Variants in RTKN observed in about 807,000 individuals in gnomAD.
The protein encoded by RTKN is rhotekin.
Under a neutral mutation model 63.5 loss-of-function variants are expected in RTKN, and 49 were observed. The ratio of observed to expected loss-of-function variants is 0.77; its 90% CI spans 0.61 to 0.98. RTKN has a LOEUF of 0.98. Ranked by LOEUF, RTKN falls within the 50% of genes least tolerant of loss-of-function variation. The pLI, the probability that RTKN is intolerant of heterozygous loss-of-function variation, is 0.00. For synonymous variants in RTKN, 295 were observed against 290.4 expected, an observed-to-expected ratio of 1.02 and a Z score of -0.16; for missense variants, 685 against 740.8, an observed-to-expected ratio of 0.92 and a Z score of 0.87.
intron 1 of RTKN, among the ~76,000 whole-genome samples, chr2:74,438,615 C>A (rs1284950974): frequency 1.3e-5 from 2 of 152,246 alleles, no homozygotes; most frequent in Non-Finnish European, 2.9e-5. Context: ...TGATCTGGCC[C>A]CTGCCCATCA....
rs367650531 is a variant in RTKN, at chr2:74,427,529, T to C, written c.1150A>G (p.Ser384Gly). Residue 384 changes from serine (S) to glycine (G), a missense_variant, in exon 10 of 12, where the codon AGT becomes GGT. Ser to Gly is a moderately conservative substitution (Grantham distance 56). Coordinates refer to ENST00000272430, the MANE Select transcript of RTKN (RefSeq NM_001015055.2). ...ALGRPFTLSI[S>G]NQYGDDEVTH... ...ACCTCATCATCCCCATACTGGTTACTGATGCTTAGGGTGAAGGGCCGTCCT... is the reference window on the plus strand; with the variant it reads ...ACCTCATCATCCCCATACTGGTTACCGATGCTTAGGGTGAAGGGCCGTCCT... 9 of 1,614,028 alleles carry C rather than the reference T, an allele frequency of 5.6e-6. No individual in the cohort carries two copies. Among genetic ancestry groups the C allele is most frequent in the Non-Finnish European group, 7.6e-6 (9 of 1,180,054 alleles).
At chr2:74,431,203 G>A (rs929108643) in intron 2 of RTKN, among the ~76,000 whole-genome samples, 6 of 151,958 alleles carry the variant, frequency 3.9e-5, no homozygotes, top group African/African-American at 7.3e-5. Context: ...GAAGAGTTAC[G>A]TTCCATTCAC....
chr2:74,428,532 C>T, intron 8 of RTKN, 99 bp downstream of exon 8: 1 of 1,549,912 alleles, frequency 6.5e-7, no homozygotes, highest in Non-Finnish European at 8.8e-7. Context: ...CCCATTTCTT[C>T]CACCCAAATC....
At chr2:74,428,494 G>T (rs1327995699) in intron 8 of RTKN, 98 bp from the exon 9 acceptor site, 8 of 1,596,728 alleles carry the variant, frequency 5.0e-6, no homozygotes, top group Non-Finnish European at 6.9e-6. Flanking sequence ...CCACCCTGCT[G>T]TCCATTCCTC....
intron 1 of RTKN, 21 bp downstream of exon 1, chr2:74,441,685 G>C (rs1444437710): frequency 1.3e-6 from 2 of 1,578,236 alleles, no homozygotes; most frequent in Non-Finnish European, 1.7e-6. Flanking sequence ...GAAGGGGAAG[G>C]CAGGGACGCG....
Position 74,441,872 on chromosome 2 carries a change from G to GCCT in RTKN, c.-59_-57dup, listed in dbSNP as rs1488281552. The stretch of plus-strand genomic sequence containing the variant: ...TGCGCTCCCCGCGCCGCCCGGCTTA[G>GCCT]CCTCCTCTCCTCGGCTTCTGTCTCT... On this transcript the variant is annotated 5_prime_UTR_variant, in exon 1 of 12. Coordinates refer to ENST00000272430, the MANE Select transcript of RTKN (RefSeq NM_001015055.2). 3.7e-6 allele frequency: 4 copies of GCCT among 1,089,180 alleles called. No individual in the cohort carries two copies. In the East Asian group the frequency reaches 7.4e-5, roughly 20 times the overall value. The allele number at this position is 1,089,180 out of a possible 1,614,324, so 67.5% of individuals were successfully genotyped here.
intron 1 of RTKN, chr2:74,439,616 C>T (rs112456374): frequency 1.2e-6 from 2 of 1,614,058 alleles, no homozygotes; most frequent in Non-Finnish European, 1.7e-6. Context: ...TGCAATCTGT[C>T]CTGCATCTCT....
intron 5 of RTKN, 70 bp downstream of exon 5, chr2:74,430,182 C>A (rs1670666534): frequency 1.6e-5 from 25 of 1,544,822 alleles, no homozygotes; most frequent in African/African-American, 2.7e-5. Context: ...CAGCTTCCTC[C>A]CCTGGAACTC....
Position 74,430,424 on chromosome 2 carries a change from G to T in RTKN, c.427+41C>A, listed in dbSNP as rs140562070. 408 of 1,613,176 alleles carry T rather than the reference G, an allele frequency of 2.5e-4. 2 individuals carry two copies. The African/African-American group carries it at 4.8e-3, about 19-fold the overall frequency. Reference sequence around the variant, plus strand: ...GTCCCACGAGAGCCTCCTACTTCAGGGTCATTCCCCTGAATTTGTCCCAGG... The same window carrying T: ...GTCCCACGAGAGCCTCCTACTTCAGTGTCATTCCCCTGAATTTGTCCCAGG... On this transcript the variant is annotated intron_variant, in intron 4 of 11. Transcript: ENST00000272430.
chr2:74,432,896 G>A (rs892383975), intron 1 of RTKN, among the ~76,000 whole-genome samples: 32 of 152,244 alleles, frequency 2.1e-4, no homozygotes, highest in African/African-American at 7.7e-4. Flanking sequence ...AGGATCCCTT[G>A]AGCCTAGGAG....
Position 74,426,106 on chromosome 2 carries a change from TGCAGCCTACCCCA to T in RTKN, c.*124_*136del. 1 of 815,952 alleles carries T rather than the reference TGCAGCCTACCCCA, an allele frequency of 1.2e-6. No homozygotes were observed. The highest frequency in any genetic ancestry group is 2.2e-5 in the Admixed American group (1 of 44,542). 50.5% of individuals were successfully genotyped at this position (815,952 alleles called of 1,614,324 possible). A position where few individuals can be genotyped will look rare whatever the true frequency, so the allele number is the denominator to read the frequency against. On this transcript the variant is annotated 3_prime_UTR_variant, in exon 12 of 12. Coordinates refer to ENST00000272430, the MANE Select transcript of RTKN (RefSeq NM_001015055.2). ...TTTAAGAGGGGCTTCTGCCCACCCC[TGCAGCCTACCCCA>T]GGTCCAGCAGAGGAACAGGAGGCCA...
chr2:74,429,776 C>G, intron 6 of RTKN, 52 bp downstream of exon 6: 1 of 1,543,008 alleles, frequency 6.5e-7, no homozygotes, highest in East Asian at 2.3e-5. Flanking sequence ...CAAAGGTCAC[C>G]TGTGGGCAGA....
chr2:74,434,034 T>G (rs902081258), intron 1 of RTKN, among the ~76,000 whole-genome samples: 2 of 152,108 alleles, frequency 1.3e-5, no homozygotes, highest in Non-Finnish European at 2.9e-5. Context: ...TACATAGATA[T>G]AGATATGCAT....
intron 1 of RTKN, among the ~76,000 whole-genome samples, chr2:74,441,244 C>T (rs1268994575): frequency 2.6e-5 from 4 of 152,206 alleles, no homozygotes; most frequent in Non-Finnish European, 5.9e-5. Context: ...GCGAGCGGCC[C>T]CGGCCTAAAG....
chr2:74,428,532 C>G (rs1186960696), intron 8 of RTKN, 99 bp downstream of exon 8: 4 of 1,549,794 alleles, frequency 2.6e-6, no homozygotes, highest in African/African-American at 2.7e-5. Context: ...CCCATTTCTT[C>G]CACCCAAATC....
At chr2:74,434,998 C>CA (rs1185184057) in intron 1 of RTKN, among the ~76,000 whole-genome samples, 1 of 152,172 alleles carries the variant, frequency 6.6e-6, no homozygotes, top group Non-Finnish European at 1.5e-5. Flanking sequence ...GGCAAGGGAT[C>CA]AGTGGACAAG....
In RTKN at chr2:74,427,488, C is replaced by T. The variant is rs1670470154; in HGVS notation, c.1191G>A (p.Gln397=). The T allele has an allele frequency of 1.9e-6, 3 of 1,614,204 alleles. No homozygotes were observed. Among genetic ancestry groups the T allele is most frequent in the Non-Finnish European group, 2.5e-6 (3 of 1,180,040 alleles). The stretch of plus-strand genomic sequence containing the variant: ...TCTGCAGTGCTTCCCGACTTTCTGT[C>T]TGAAGGGTGTGTGTCACCTCATCAT... ...YGDDEVTHTL[Q]TESREALQSW... Residue 397 remains glutamine, a synonymous_variant, in exon 10 of 12, where the codon CAG becomes CAA. Transcript: ENST00000272430.
chr2:74,437,858 T>C (rs1023685054), intron 1 of RTKN, among the ~76,000 whole-genome samples: 8 of 152,274 alleles, frequency 5.3e-5, no homozygotes, highest in African/African-American at 1.9e-4. Flanking sequence ...GGCAAACAAA[T>C]TAGATAAACG....
In RTKN at chr2:74,432,592, G is replaced by A; in HGVS notation, c.186C>T (p.Cys62=). Residue 62 remains cysteine, a synonymous_variant, in exon 2 of 12, where the codon TGC becomes TGT. Transcript: ENST00000272430. ...REGACKLLAA[C]SQREQALEAT... ...CCTCCAGAGCCTGCTCTCGCTGGGA[G>A]CAGGCTGCCAGCAGCTTACAGGCCC... The A allele has an allele frequency of 6.2e-7, 1 of 1,614,152 alleles. No homozygotes were observed. The highest frequency in any genetic ancestry group is 8.5e-7 in the Non-Finnish European group (1 of 1,180,032).
Sources: gnomAD v4.1 joint callset for allele counts (sites outside exome capture counted in the v4.1 genomes callset) on GRCh38, gnomAD v4.1.1 for gene constraint, MANE v1.5 for transcripts, NCBI Gene and HGNC (gene_info 2026-07-23, HGNC 2026-07-21) for gene names.